GSE1: variants seen among roughly 807,000 people sequenced by gnomAD.
GSE1 encodes the protein Gse1 coiled-coil protein, also known as genetic suppressor element 1.
A neutral mutation model predicts 112.6 loss-of-function variants in GSE1; 32 were observed. That is an observed-to-expected ratio of 0.28 (90% CI 0.21 to 0.38). GSE1 has a LOEUF of 0.38. Among genes scored for constraint, GSE1 ranks in the 10% least tolerant of loss-of-function variants. The pLI is 1.00. For synonymous variants in GSE1, 1,115 were observed against 735.6 expected, an observed-to-expected ratio of 1.52 and a Z score of -8.35; for missense variants, 2,348 against 1,699.2, an observed-to-expected ratio of 1.38 and a Z score of -6.71.
chr16:85,225,963 T>G (rs963138763), intron 1 of GSE1, among the ~76,000 whole-genome samples: 2 of 152,198 alleles, frequency 1.3e-5, no homozygotes, highest in African/African-American at 2.4e-5. Flanking sequence ...GTGGCTCTTT[T>G]GTGGCTGTTG....
At chr16:85,185,990 C>T (rs1235598013) in intron 1 of GSE1, among the ~76,000 whole-genome samples, 1 of 152,208 alleles carries the variant, frequency 6.6e-6, no homozygotes, top group Non-Finnish European at 1.5e-5. Flanking sequence ...ACGGGCCTTA[C>T]TGTGTGCCAG....
intron 1 of GSE1, among the ~76,000 whole-genome samples, chr16:85,348,339 C>T (rs937273830): frequency 6.6e-6 from 1 of 151,758 alleles, no homozygotes; most frequent in East Asian, 1.9e-4. Flanking sequence ...GCCTATCCAT[C>T]TGTCCATTCA....
intron 1 of GSE1, among the ~76,000 whole-genome samples, chr16:85,201,587 G>A (rs2075030117): frequency 6.6e-6 from 1 of 151,828 alleles, no homozygotes; most frequent in Non-Finnish European, 1.5e-5. Flanking sequence ...AGGAGGCAGA[G>A]GTTGCAGTGA....
chr16:85,526,678 C>T (rs987571725), intron 2 of GSE1, among the ~76,000 whole-genome samples: 2 of 152,144 alleles, frequency 1.3e-5, no homozygotes, highest in East Asian at 1.9e-4. Context: ...AGGTCTACGC[C>T]GCCTGCCAGC....
chr16:85,194,129 C>A (rs4783145), intron 1 of GSE1, among the ~76,000 whole-genome samples: 2 of 151,966 alleles, frequency 1.3e-5, no homozygotes, highest in African/African-American at 2.4e-5. Context: ...TTCACTCTGA[C>A]TCCACGCCCC....
chr16:85,200,712 C>T (rs1012572262), intron 1 of GSE1, among the ~76,000 whole-genome samples: 3 of 152,222 alleles, frequency 2.0e-5, no homozygotes, highest in Non-Finnish European at 4.4e-5. Flanking sequence ...GTAGGTCACA[C>T]AAACCTCAAC....
intron 2 of GSE1, among the ~76,000 whole-genome samples, chr16:85,427,567 G>A (rs750590670): frequency 4.6e-5 from 7 of 152,044 alleles, no homozygotes; most frequent in South Asian, 2.1e-4. Flanking sequence ...GCTTGAACTC[G>A]GGAGGTGGAG....
rs930524273 is a variant in GSE1 at position 85,663,378 on chromosome 16, C to G, written c.2408C>G (p.Thr803Ser). 1 of 1,613,764 alleles carries G rather than the reference C, an allele frequency of 6.2e-7. No homozygotes were observed. Among genetic ancestry groups the G allele is most frequent in the African/African-American group, 1.3e-5 (1 of 74,900 alleles). The stretch of plus-strand genomic sequence containing the variant: ...TTTTTGCAACTTTTTGGCTTGACCA[C>G]CCAACAGCAGAAGGAGGAATTGGTG... Reference protein sequence around the residue: ...LEFLQLFGLTTQQQKEELVAQ... With the variant: ...LEFLQLFGLTSQQQKEELVAQ... Residue 803 changes from threonine to serine, a missense_variant, in exon 11 of 16, where the codon ACC becomes AGC. By Grantham distance (58) the Thr-to-Ser change is moderately conservative. Transcript: ENST00000253458.
intron 2 of GSE1, among the ~76,000 whole-genome samples, chr16:85,474,474 G>T (rs2050391168): frequency 6.6e-6 from 1 of 152,136 alleles, no homozygotes; most frequent in African/African-American, 2.4e-5. Flanking sequence ...GCCAGCCCCG[G>T]CGGGGAGTCA....
At chr16:85,435,456 G>GA (rs1193035548) in intron 2 of GSE1, among the ~76,000 whole-genome samples, 1 of 152,176 alleles carries the variant, frequency 6.6e-6, no homozygotes, top group Non-Finnish European at 1.5e-5. Context: ...GACTGCAGCG[G>GA]AAATTCCTCT....
intron 2 of GSE1, among the ~76,000 whole-genome samples, chr16:85,465,443 G>C (rs1329394099): frequency 2.0e-5 from 3 of 152,242 alleles, no homozygotes; most frequent in Non-Finnish European, 2.9e-5. Context: ...TCACCTCTCT[G>C]TGCCACATTC....
intron 13 of GSE1, among the ~76,000 whole-genome samples, chr16:85,667,367 G>A (rs556568923): frequency 1.3e-5 from 2 of 152,364 alleles, no homozygotes; most frequent in South Asian, 2.1e-4. Flanking sequence ...CCATCCCCAC[G>A]GGAGGCCAGG....
chr16:85,608,702 G>GTCAC (rs59777223), upstream of GSE1, among the ~76,000 whole-genome samples: 1 of 152,306 alleles, frequency 6.6e-6, no homozygotes, highest in African/African-American at 2.4e-5. Flanking sequence ...TGTAATGGAG[G>GTCAC]TCACTGCCTG....
chr16:85,655,834 T>C lies in GSE1; in HGVS notation c.906T>C (p.Ser302=). ...CATCAGCGATGCACCTGCACCTCTCTGGGGTCCGCTACCCTCCCGAGCTCT... is the reference window on the plus strand; with the variant it reads ...CATCAGCGATGCACCTGCACCTCTCCGGGGTCCGCTACCCTCCCGAGCTCT... The part of the protein sequence containing the change: ...LHPSAMHLHL[S]GVRYPPELSH... Residue 302 remains serine, a synonymous_variant, in exon 6 of 16, where the codon TCT becomes TCC. Coordinates refer to ENST00000253458, the MANE Select transcript of GSE1 (RefSeq NM_014615.5). 1 of 1,610,216 alleles carries C rather than the reference T, an allele frequency of 6.2e-7. No homozygotes were observed. The highest frequency in any genetic ancestry group is 1.1e-5 in the South Asian group (1 of 91,044).
upstream of GSE1, among the ~76,000 whole-genome samples, chr16:85,611,019 C>T (rs894042215): frequency 6.6e-6 from 1 of 152,358 alleles, no homozygotes; most frequent in Admixed American, 6.5e-5. Context: ...CCCACCTTCA[C>T]CCCTGGCCCA....
intron 1 of GSE1, among the ~76,000 whole-genome samples, chr16:85,255,226 C>T (rs1906942119): frequency 6.6e-6 from 1 of 152,174 alleles, no homozygotes; most frequent in South Asian, 2.1e-4. Flanking sequence ...AGGCTTCTCC[C>T]CCGACTCCTG....
intron 2 of GSE1, among the ~76,000 whole-genome samples, chr16:85,634,705 A>C (rs2049840710): frequency 2.0e-5 from 3 of 152,208 alleles, no homozygotes; most frequent in African/African-American, 7.2e-5. Flanking sequence ...TCACCTGGGC[A>C]GGACCTGCTG....
intron 1 of GSE1, among the ~76,000 whole-genome samples, chr16:85,630,657 G>T (rs1272292819): frequency 6.6e-6 from 1 of 152,218 alleles, no homozygotes; most frequent in Non-Finnish European, 1.5e-5. Context: ...TCTTAGCTGT[G>T]TGTGGTGCGC....
chr16:85,169,779 G>C, exon 1 of GSE1: 1 of 984,178 alleles, frequency 1.0e-6, no homozygotes, highest in South Asian at 4.7e-5. Flanking sequence ...GCTGCGTGTT[G>C]GTGTGCGCCG....
Sources: allele counts gnomAD v4.1 joint callset (sites outside exome capture counted in the v4.1 genomes callset), GRCh38; gene constraint gnomAD v4.1.1; transcripts MANE v1.5; gene names NCBI Gene and HGNC (gene_info 2026-07-23, HGNC 2026-07-21).